UBE3A: variants seen among roughly 807,000 people sequenced by gnomAD.
UBE3A encodes the protein ubiquitin protein ligase E3A, also known as ubiquitin-protein ligase E3A.
UBE3A carries 6 observed loss-of-function variants against 83.4 expected under a neutral mutation model. The ratio of observed to expected loss-of-function variants is 0.07; its 90% CI spans 0.04 to 0.14. The LOEUF is 0.14. Among genes scored for constraint, UBE3A ranks in the 10% least tolerant of loss-of-function variants. The probability of loss-of-function intolerance (pLI) is 1.00; values close to 1 mark genes in which losing one functional copy is unlikely to be tolerated. For missense variants in UBE3A, 456 were observed against 1,036.1 expected (o/e 0.44, Z 7.69); for synonymous variants, 337 against 355.4 (o/e 0.95, Z 0.58).
At chr15:25,340,969 T>A (rs974081180) in intron 11 of UBE3A, among the ~76,000 whole-genome samples, 1 of 152,218 alleles carries the variant, frequency 6.6e-6, no homozygotes. Context: ...TATGTTAGTT[T>A]GAGTTCTAAA....
At chr15:25,396,290 A>C (rs1467043628) in intron 4 of UBE3A, among the ~76,000 whole-genome samples, 1 of 152,016 alleles carries the variant, frequency 6.6e-6, no homozygotes, top group Non-Finnish European at 1.5e-5. Flanking sequence ...GAGATTCTAC[A>C]ACACGGTATT....
intron 6 of UBE3A, among the ~76,000 whole-genome samples, chr15:25,364,645 GTTTTTT>G (rs759514427): frequency 1.0e-5 from 1 of 97,642 alleles, no homozygotes; most frequent in African/African-American, 3.4e-5. Flanking sequence ...TTTTTTGTTT[GTTTTTT>G]TTTTTTTTTT....
At chr15:25,349,131 T>C (rs748569705) in intron 11 of UBE3A, among the ~76,000 whole-genome samples, 8 of 152,316 alleles carry the variant, frequency 5.3e-5, no homozygotes, top group Admixed American at 1.3e-4. Context: ...CACACACAGA[T>C]TGATTTTCAA....
In UBE3A at chr15:25,337,180, C is replaced by G. The variant is rs558605557; in HGVS notation, c.*1957G>C. 6.6e-6 allele frequency: 1 copy of G among 152,030 alleles called. No homozygotes were observed. The highest frequency in any genetic ancestry group is 1.5e-5 in the Non-Finnish European group (1 of 67,998). 9.4% of individuals were successfully genotyped at this position (152,030 alleles called of 1,614,324 possible). A position where few individuals can be genotyped will look rare whatever the true frequency, so the allele number is the denominator to read the frequency against. On this transcript the variant is annotated 3_prime_UTR_variant, in exon 13 of 13. Transcript: ENST00000648336. The stretch of plus-strand genomic sequence containing the variant: ...CACTTTAAAACTTGTCATATGGATA[C>G]GTTATTACAATTGTAGAACTTTAAT...
intron 1 of UBE3A, among the ~76,000 whole-genome samples, chr15:25,431,859 G>A (rs996714180): frequency 1.3e-5 from 2 of 152,048 alleles, no homozygotes; most frequent in African/African-American, 2.4e-5. Context: ...TTTATGGCAC[G>A]CTGTAAGATT....
At chr15:25,349,239 A>G (rs2076151649) in intron 11 of UBE3A, among the ~76,000 whole-genome samples, 1 of 152,232 alleles carries the variant, frequency 6.6e-6, no homozygotes, top group Admixed American at 6.5e-5. Context: ...AATGACATCC[A>G]CTGTCTAACA....
At chr15:25,343,713 G>A (rs527756916) in intron 11 of UBE3A, among the ~76,000 whole-genome samples, 29 of 152,126 alleles carry the variant, frequency 1.9e-4, no homozygotes, top group African/African-American at 6.5e-4. Context: ...ATGACAAACT[G>A]GGAAAAAATA....
At chr15:25,382,395 A>AT (rs569749253) in intron 4 of UBE3A, among the ~76,000 whole-genome samples, 83 of 142,872 alleles carry the variant, frequency 5.8e-4, no homozygotes, top group African/African-American at 2.2e-3. Context: ...GTGATATATG[A>AT]TAAAAAAAAA....
intron 4 of UBE3A, among the ~76,000 whole-genome samples, chr15:25,387,255 C>T (rs2083322144): frequency 6.6e-6 from 1 of 152,238 alleles, no homozygotes; most frequent in Non-Finnish European, 1.5e-5. Flanking sequence ...GGCGCTGTGG[C>T]TCACGCCTGT....
intron 6 of UBE3A, among the ~76,000 whole-genome samples, chr15:25,369,374 CAAAA>C (rs1448598954): frequency 8.7e-6 from 1 of 114,340 alleles, no homozygotes; most frequent in East Asian, 2.4e-4. Flanking sequence ...AAACCAGTAA[CAAAA>C]AAAAAAAAAA....
intron 11 of UBE3A, among the ~76,000 whole-genome samples, chr15:25,351,028 T>C (rs534863645): frequency 6.6e-5 from 10 of 152,324 alleles, no homozygotes; most frequent in African/African-American, 2.4e-4. Context: ...AATTAAGCCC[T>C]GGGTATTTCA....
At chr15:25,381,805 A>T (rs2082216063) in intron 4 of UBE3A, among the ~76,000 whole-genome samples, 2 of 152,238 alleles carry the variant, frequency 1.3e-5, no homozygotes, top group South Asian at 4.1e-4. Context: ...TGTAAGAGAC[A>T]TCTGTGACAC....
rs570347040 is a variant in UBE3A at position 25,334,877 on chromosome 15, T to C, written c.*4260A>G. On this transcript the variant is annotated 3_prime_UTR_variant, in exon 13 of 13. Transcript: ENST00000648336. ...GCACTTATGCAAAAAATGGATGAAA[T>C]AGGAAACTTCACTACATTCTACTGC... 6.6e-6 allele frequency: 1 copy of C among 152,208 alleles called. No homozygotes were observed. The highest frequency in any genetic ancestry group is 2.4e-5 in the African/African-American group (1 of 41,516). The allele number at this position is 152,208 out of a possible 1,614,324, so 9.4% of individuals were successfully genotyped here.
rs1460036615 is a variant in UBE3A at position 25,370,953 on chromosome 15, C to T, written c.1221G>A (p.Gln407=). 4.3e-6 allele frequency: 7 copies of T among 1,614,090 alleles called. No homozygotes were observed. Among genetic ancestry groups the T allele is most frequent in the Non-Finnish European group, 5.9e-6 (7 of 1,180,010 alleles). ...TTCTTCTTTCTTCTCCCAAAAGTTC[C>T]TGAAGTGTCAGCTCGCTGGACTCAG... ...PIPESSELTL[Q]ELLGEERRNK... The change falls in exon 6 of 13, where the codon CAG becomes CAA. Residue 407 remains glutamine, a synonymous_variant. Transcript: ENST00000648336. The surrounding 1 kb of genome is among the most constrained non-coding windows in gnomAD (Gnocchi z 4.2).
chr15:25,373,217 T>C (rs1422202708), intron 5 of UBE3A, among the ~76,000 whole-genome samples: 1 of 152,174 alleles, frequency 6.6e-6, no homozygotes, highest in Non-Finnish European at 1.5e-5. Flanking sequence ...TACAAGACAA[T>C]GCAAAACTCC....
intron 6 of UBE3A, among the ~76,000 whole-genome samples, chr15:25,362,458 T>A (rs949429699): frequency 1.3e-5 from 2 of 152,294 alleles, no homozygotes; most frequent in Admixed American, 6.5e-5. Flanking sequence ...CAATTAAGCC[T>A]CAGTTTCCTC....
chr15:25,409,144 G>C lies in UBE3A; in HGVS notation c.-37C>G, dbSNP rs1290334471. Reference sequence around the variant, plus strand: ...AGGGTGATCACAGCTTTGAGTCACTGATTAAAAACAGGTTGTCACACCAGT... The same window carrying C: ...AGGGTGATCACAGCTTTGAGTCACTCATTAAAAACAGGTTGTCACACCAGT... On this transcript the variant is annotated 5_prime_UTR_variant, in exon 3 of 13. The change creates a new upstream start codon in the 5' untranslated region. Transcript: ENST00000648336. The C allele has an allele frequency of 6.3e-7, 1 of 1,591,504 alleles. No individual in the cohort carries two copies. Among genetic ancestry groups the C allele is most frequent in the African/African-American group, 1.3e-5 (1 of 74,834 alleles).
chr15:25,354,570 T>C lies in UBE3A; in HGVS notation c.2238A>G (p.Leu746=). The C allele has an allele frequency of 6.2e-7, 1 of 1,613,976 alleles. No homozygotes were observed. The highest frequency in any genetic ancestry group is 8.5e-7 in the Non-Finnish European group (1 of 1,179,962). Residue 746 remains leucine, a synonymous_variant, in exon 10 of 13, where the codon TTA becomes TTG. Transcript: ENST00000648336. ...MVTNESPLKY[L]FRPEEIELLI... ...GCAATTCAATTTCTTCTGGTCTGAA[T>C]AAGTACTTTAAGGGAGATTCATTGG...
chr15:25,390,956 TA>T (rs552120766), intron 4 of UBE3A, among the ~76,000 whole-genome samples: 2 of 149,048 alleles, frequency 1.3e-5, no homozygotes, highest in East Asian at 2.0e-4. Flanking sequence ...AAAAAAAATC[TA>T]AAAAAAAATA....
Sources: allele counts gnomAD v4.1 joint callset (sites outside exome capture counted in the v4.1 genomes callset), GRCh38; gene constraint gnomAD v4.1.1; non-coding constraint Gnocchi (gnomAD v3.1); transcripts MANE v1.5; gene names NCBI Gene and HGNC (gene_info 2026-07-23, HGNC 2026-07-21).